Variants in SLC34A2 observed in about 807,000 individuals in gnomAD.
SLC34A2 encodes the protein sodium-dependent phosphate transport protein 2B.
In SLC34A2, 41 loss-of-function variants were observed where a neutral mutation model predicts 50.8. That is an observed-to-expected ratio of 0.81 (90% CI 0.63 to 1.05). The LOEUF is 1.05. SLC34A2 is among the 50% of genes least tolerant of loss of function. The probability of loss-of-function intolerance (pLI) is 0.00; values close to 1 mark genes in which losing one functional copy is unlikely to be tolerated. For missense variants in SLC34A2, 879 were observed against 876.7 expected (o/e 1.00, Z -0.03); for synonymous variants, 401 against 364.2 (o/e 1.10, Z -1.15).
At position 25,659,620 on chromosome 4, in the gene SLC34A2, C is replaced by T. The variant is rs561053698; in HGVS notation, c.-3-2878C>T. ...CTCTAGCCTCACCTACACTTATTAA[C>T]CAATTAGTCCTCATAACAGCTCAGT... On this transcript the variant is annotated intron_variant, in intron 1 of 12. Transcript: ENST00000382051. Among the ~76,000 whole-genome samples the T allele has an allele frequency of 1.9e-3, 293 of 152,210 alleles. 8 individuals are homozygous for T. The highest frequency in any genetic ancestry group is 2.1e-3 in the Non-Finnish European group (142 of 68,004).
rs1312131785 is a variant in SLC34A2, at chr4:25,674,312, T to C, written c.1233T>C (p.Phe411=). The C allele has an allele frequency of 1.2e-6, 2 of 1,614,032 alleles. No homozygotes were observed. The highest frequency in any genetic ancestry group is 2.2e-5 in the South Asian group (2 of 91,072). Residue 411 remains phenylalanine (F), a synonymous_variant, in exon 11 of 13, where the codon TTT becomes TTC. Coordinates refer to ENST00000382051, the MANE Select transcript of SLC34A2 (RefSeq NM_006424.3). ...KTINTDFPFP[F]AWLTGYLAIL... ...GTCTTCCAGATTTCCCCTTTCCCTT[T>C]GCATGGTTGACTGGCTACCTGGCCA...
At chr4:25,664,467 T>C (rs1714383698) in intron 4 of SLC34A2, 137 bp downstream of exon 4, 5 of 892,718 alleles carry the variant, frequency 5.6e-6, no homozygotes, top group South Asian at 4.6e-5. Context: ...TCAGATCATT[T>C]ATGAAGTCTA....
Position 25,669,767 on chromosome 4 carries a change from C to G in SLC34A2, c.756C>G (p.Phe252Leu). Reference protein sequence around the residue: ...EIITQLIVESFHFKNGEDAPD... With the variant: ...EIITQLIVESLHFKNGEDAPD... ...TAACCCAGCTTATAGTGGAGAGCTT[C>G]CACTTCAAGAATGGAGAAGATGCCC... Residue 252 changes from phenylalanine to leucine, a missense_variant, in exon 7 of 13, where the codon TTC becomes TTG. Phe to Leu is a conservative substitution (Grantham distance 22). Coordinates refer to ENST00000382051, the MANE Select transcript of SLC34A2 (RefSeq NM_006424.3). 1 of 1,614,152 alleles carries G rather than the reference C, an allele frequency of 6.2e-7. No homozygotes were observed. Among genetic ancestry groups the G allele is most frequent in the Non-Finnish European group, 8.5e-7 (1 of 1,180,024 alleles).
intron 1 of SLC34A2, among the ~76,000 whole-genome samples, chr4:25,661,680 G>A (rs1464574898): frequency 3.3e-5 from 5 of 152,012 alleles, no homozygotes; most frequent in South Asian, 2.1e-4. Context: ...GAGCCACCTC[G>A]CCTGGCCCCT....
chr4:25,667,543 A>C (rs1714563819), intron 5 of SLC34A2, among the ~76,000 whole-genome samples: 1 of 152,152 alleles, frequency 6.6e-6, no homozygotes, highest in Admixed American at 6.6e-5. Flanking sequence ...AAGAAAAAAA[A>C]CTGATGCTTC....
At chr4:25,672,133 G>T (rs1034491473) in intron 9 of SLC34A2, among the ~76,000 whole-genome samples, 1 of 152,144 alleles carries the variant, frequency 6.6e-6, no homozygotes, top group Non-Finnish European at 1.5e-5. Context: ...CCAGGAGTTT[G>T]AGACCAGCCT....
chr4:25,658,485 T>A (rs1714005039), intron 1 of SLC34A2, among the ~76,000 whole-genome samples: 1 of 152,188 alleles, frequency 6.6e-6, no homozygotes. Context: ...ACAATGCGAA[T>A]GTAGGGGTTG....
rs1173421259 is a variant in SLC34A2 at position 25,677,861 on chromosome 4, G to T, written c.*1112G>T. ...CCAAACATTTTTCCATTTTCCCACA[G>T]ATGGGCTTTGATTAGCTGTCCTCTC... On this transcript the variant is annotated 3_prime_UTR_variant, in exon 13 of 13. Coordinates refer to ENST00000382051, the MANE Select transcript of SLC34A2 (RefSeq NM_006424.3). The T allele has an allele frequency of 6.6e-6, 1 of 152,190 alleles. No individual in the cohort carries two copies. The highest frequency in any genetic ancestry group is 2.4e-5 in the African/African-American group (1 of 41,422). The allele number at this position is 152,190 out of a possible 1,614,324, so 9.4% of individuals were successfully genotyped here. A position where few individuals can be genotyped will look rare whatever the true frequency, so the allele number is the denominator to read the frequency against.
At chr4:25,662,662 A>T in intron 2 of SLC34A2, 43 bp from the exon 3 acceptor site, 2 of 1,614,042 alleles carry the variant, frequency 1.2e-6, no homozygotes, top group Non-Finnish European at 1.7e-6. Context: ...GGACCCCAGG[A>T]GACTCAGGTC....
At position 25,676,450 on chromosome 4, in the gene SLC34A2, T is replaced by A; in HGVS notation, c.1774T>A (p.Phe592Ile). Residue 592 changes from phenylalanine to isoleucine, a missense_variant, in exon 13 of 13, where the codon TTC becomes ATC. Physicochemically the swap from Phe to Ile is conservative, Grantham distance 21. Transcript: ENST00000382051. ...VLPKKLQNWNFLPLWMRSLKP... is the reference protein window; with the variant it reads ...VLPKKLQNWNILPLWMRSLKP... ...GCCGAAGAAACTCCAGAACTGGAAC[T>A]TCCTGCCGCTGTGGATGCGCTCGCT... 6.2e-7 allele frequency: 1 copy of A among 1,614,214 alleles called. No homozygotes were observed. Among genetic ancestry groups the A allele is most frequent in the South Asian group, 1.1e-5 (1 of 91,092 alleles).
chr4:25,657,100 T>C (rs986591997), intron 1 of SLC34A2, among the ~76,000 whole-genome samples: 1 of 152,196 alleles, frequency 6.6e-6, no homozygotes, highest in Admixed American at 6.5e-5. Flanking sequence ...GCGTGCTTTG[T>C]AAAAGGTTTG....
At chr4:25,670,954 G>GA (rs1261601991) in intron 8 of SLC34A2, 121 bp downstream of exon 8, 2 of 827,316 alleles carry the variant, frequency 2.4e-6, no homozygotes, top group African/African-American at 3.4e-5. Context: ...GGGAGTCCCT[G>GA]AAAAATCAAA....
chr4:25,676,876 C>T lies in SLC34A2; in HGVS notation c.*127C>T, dbSNP rs1715165251. ...TCCCCATTAGCGAATGAAATTGATG[C>T]AGTCCTACCTAACTCGATTCCCTTT... On this transcript the variant is annotated 3_prime_UTR_variant, in exon 13 of 13. Transcript: ENST00000382051. The T allele has an allele frequency of 1.5e-6, 2 of 1,338,060 alleles. No individual in the cohort carries two copies. Among genetic ancestry groups the T allele is most frequent in the Non-Finnish European group, 2.1e-6 (2 of 960,460 alleles). 82.9% of individuals were successfully genotyped at this position (1,338,060 alleles called of 1,614,324 possible).
chr4:25,676,509 C>T lies in SLC34A2; in HGVS notation c.1833C>T (p.Thr611=). The change falls in exon 13 of 13, where the codon ACC becomes ACT. Residue 611 remains threonine, a synonymous_variant. Coordinates refer to ENST00000382051, the MANE Select transcript of SLC34A2 (RefSeq NM_006424.3). ...GGGATGCCGTCGTCTCCAAGTTCAC[C>T]GGCTGCTTCCAGATGCGCTGCTGCT... ...KPWDAVVSKF[T]GCFQMRCCCC... The T allele has an allele frequency of 2.5e-6, 4 of 1,614,094 alleles. No individual in the cohort carries two copies. The highest frequency in any genetic ancestry group is 3.4e-6 in the Non-Finnish European group (4 of 1,179,990).
intron 1 of SLC34A2, among the ~76,000 whole-genome samples, chr4:25,657,739 A>G (rs916443587): frequency 6.6e-6 from 1 of 152,162 alleles, no homozygotes; most frequent in Non-Finnish European, 1.5e-5. Flanking sequence ...CACTACCACC[A>G]TTGTGTCCTT....
chr4:25,671,647 C>G lies in SLC34A2; in HGVS notation c.974C>G (p.Pro325Arg). ...TVPSTANCTS[P>R]SLCWTDGIQN... is the part of the protein sequence containing the mutation. ...CCCTCGACTGCTAACTGCACCTCCC[C>G]TTCCCTCTGTTGGACGGATGGCATC... Residue 325 changes from proline (P) to arginine (R), a missense_variant, in exon 9 of 13, where the codon CCT (proline) becomes CGT (arginine). Pro to Arg is a moderately radical substitution (Grantham distance 103). Transcript: ENST00000382051. 6.2e-7 allele frequency: 1 copy of G among 1,614,198 alleles called. No individual in the cohort carries two copies. Among genetic ancestry groups the G allele is most frequent in the Non-Finnish European group, 8.5e-7 (1 of 1,180,038 alleles).
intron 1 of SLC34A2, among the ~76,000 whole-genome samples, chr4:25,659,907 C>T (rs901205727): frequency 8.5e-5 from 13 of 152,198 alleles, no homozygotes; most frequent in African/African-American, 3.1e-4. Context: ...ATTTCTGGAT[C>T]TTGTCTGCCT....
At position 25,673,209 on chromosome 4, in the gene SLC34A2, C is replaced by T. The variant is rs760218005; in HGVS notation, c.1171C>T (p.Leu391Phe). ...IMIVKILGSV[L>F]KGQVATVIKK... ...GATTGTCAAGATCCTGGGCTCTGTG[C>T]TCAAGGGGCAGGTCGCCACTGTCAT... The change falls in exon 10 of 13, where the codon CTC becomes TTC. Residue 391 changes from leucine to phenylalanine, a missense_variant. Coordinates refer to ENST00000382051, the MANE Select transcript of SLC34A2 (RefSeq NM_006424.3). 1 of 1,614,004 alleles carries T rather than the reference C, an allele frequency of 6.2e-7. No homozygotes were observed. Among genetic ancestry groups the T allele is most frequent in the African/African-American group, 1.3e-5 (1 of 74,908 alleles).
chr4:25,663,512 T>C (rs560018955), intron 3 of SLC34A2, among the ~76,000 whole-genome samples: 18 of 152,126 alleles, frequency 1.2e-4, no homozygotes, highest in Non-Finnish European at 2.2e-4. Flanking sequence ...TAAAAGAAAA[T>C]ATGCAGCCAG....
Sources: gnomAD v4.1 joint callset for allele counts (sites outside exome capture counted in the v4.1 genomes callset) on GRCh38, gnomAD v4.1.1 for gene constraint, MANE v1.5 for transcripts, NCBI Gene and HGNC (gene_info 2026-07-23, HGNC 2026-07-21) for gene names.